Variants in EBF1 observed in about 807,000 individuals in gnomAD.
EBF1 encodes the protein EBF transcription factor 1.
Under a neutral mutation model 68.4 loss-of-function variants are expected in EBF1, and 10 were observed. The ratio of observed to expected loss-of-function variants is 0.15; its 90% CI spans 0.09 to 0.25. The LOEUF (loss-of-function observed/expected upper bound fraction) is 0.25. EBF1 is among the 10% of genes least tolerant of loss of function. EBF1 has a pLI of 1.00. For synonymous variants in EBF1, 298 were observed against 299.8 expected (o/e 0.99, Z 0.06); for missense variants, 509 against 794.4 (o/e 0.64, Z 4.32).
intron 10 of EBF1, among the ~76,000 whole-genome samples, chr5:158,765,575 A>G (rs1221520095): frequency 6.6e-6 from 1 of 152,166 alleles, no homozygotes; most frequent in African/African-American, 2.4e-5. Context: ...CGTGATGTAA[A>G]GAAGTTAACC....
At chr5:159,073,622 G>T in intron 5 of EBF1, 158 bp from the exon 6 acceptor site, 1 of 730,640 alleles carries the variant, frequency 1.4e-6, no homozygotes, top group Non-Finnish European at 2.3e-6. Flanking sequence ...ATTCTATTTG[G>T]GTCACCTATG....
chr5:158,940,396 G>A (rs1315094680), intron 6 of EBF1, among the ~76,000 whole-genome samples: 8 of 152,278 alleles, frequency 5.3e-5, no homozygotes, highest in Non-Finnish European at 7.4e-5. Context: ...CAGAACTGTG[G>A]TATCCTAGGC....
chr5:159,061,455 G>C (rs1584347199), intron 6 of EBF1, among the ~76,000 whole-genome samples: 1 of 152,074 alleles, frequency 6.6e-6, no homozygotes, highest in Non-Finnish European at 1.5e-5. Context: ...GGTGGAAAGA[G>C]GTGGGGTAGA....
intron 6 of EBF1, among the ~76,000 whole-genome samples, chr5:159,043,821 T>C (rs2127785047): frequency 6.6e-6 from 1 of 152,328 alleles, no homozygotes; most frequent in Non-Finnish European, 1.5e-5. Context: ...ATTCTCTGCT[T>C]CTGCTTCGGC....
chr5:158,778,345 C>A (rs1775731473), intron 9 of EBF1, among the ~76,000 whole-genome samples: 1 of 152,038 alleles, frequency 6.6e-6, no homozygotes, highest in East Asian at 1.9e-4. Context: ...AAAATCCAGC[C>A]CTGGTATTTG....
At chr5:158,932,543 A>G (rs1463876254) in intron 6 of EBF1, among the ~76,000 whole-genome samples, 1 of 152,256 alleles carries the variant, frequency 6.6e-6, no homozygotes, top group South Asian at 2.1e-4. Context: ...TACTTTGTAA[A>G]AAGTATTCAT....
chr5:158,736,123 C>T (rs992825522), intron 10 of EBF1, among the ~76,000 whole-genome samples: 6 of 152,162 alleles, frequency 3.9e-5, no homozygotes, highest in Non-Finnish European at 7.4e-5. Flanking sequence ...ACTTCACAAA[C>T]ACATCAAATA....
intron 5 of EBF1, among the ~76,000 whole-genome samples, chr5:159,074,175 T>C (rs922695162): frequency 2.0e-5 from 3 of 152,178 alleles, no homozygotes; most frequent in African/African-American, 7.2e-5. Context: ...CACAGCTCTG[T>C]GAGAGGACGC....
At chr5:158,764,523 T>G (rs1315711242) in intron 10 of EBF1, among the ~76,000 whole-genome samples, 1 of 152,186 alleles carries the variant, frequency 6.6e-6, no homozygotes, top group African/African-American at 2.4e-5. Context: ...CTGGGCACTG[T>G]GAATACACTG....
chr5:158,839,909 G>A (rs1789791181), intron 7 of EBF1, 120 bp downstream of exon 7: 1 of 872,460 alleles, frequency 1.1e-6, no homozygotes, highest in African/African-American at 1.7e-5. Flanking sequence ...GGGGGACCAA[G>A]GGCCTCAGCT....
chr5:159,064,337 CAG>C (rs949816609), intron 6 of EBF1, among the ~76,000 whole-genome samples: 19 of 152,130 alleles, frequency 1.2e-4, no homozygotes, highest in Admixed American at 3.9e-4. Context: ...ATACTGAAAA[CAG>C]TGTTTTTAGC....
chr5:158,880,647 T>C (rs1379200246), intron 6 of EBF1, among the ~76,000 whole-genome samples: 1 of 152,170 alleles, frequency 6.6e-6, no homozygotes, highest in East Asian at 1.9e-4. Context: ...CAAATTAAAA[T>C]AGCTAACCGG....
intron 11 of EBF1, among the ~76,000 whole-genome samples, chr5:158,730,322 T>C (rs904646671): frequency 1.3e-5 from 2 of 152,242 alleles, no homozygotes; most frequent in African/African-American, 4.8e-5. Context: ...TGATTAGTTG[T>C]GTTTGGGATT....
At chr5:159,039,375 G>T (rs1184973878) in intron 6 of EBF1, among the ~76,000 whole-genome samples, 2 of 152,088 alleles carry the variant, frequency 1.3e-5, no homozygotes, top group Non-Finnish European at 2.9e-5. Context: ...TTTTCTAAAA[G>T]TTATTTATTT....
intron 6 of EBF1, among the ~76,000 whole-genome samples, chr5:158,918,657 A>G (rs1004124790): frequency 3.9e-5 from 6 of 152,126 alleles, no homozygotes; most frequent in African/African-American, 1.4e-4. Context: ...ATGTAACTAA[A>G]CCCACCTCTC....
At chr5:158,821,565 G>A (rs1005400490) in intron 8 of EBF1, among the ~76,000 whole-genome samples, 13 of 152,158 alleles carry the variant, frequency 8.5e-5, no homozygotes, top group African/African-American at 2.9e-4. Context: ...ACCACCCACA[G>A]TCAAAAACAT....
At chr5:158,792,970 A>G (rs1312114453) in intron 9 of EBF1, among the ~76,000 whole-genome samples, 1 of 152,158 alleles carries the variant, frequency 6.6e-6, no homozygotes, top group Non-Finnish European at 1.5e-5. Context: ...TGAGCCTATC[A>G]CCCTGATCTG....
rs368133444 is a variant in EBF1, at chr5:159,096,311, G to C, written c.355+32C>G. The C allele has an allele frequency of 2.5e-6, 4 of 1,607,194 alleles. No homozygotes were observed. The East Asian group carries it at 8.9e-5, about 36-fold the overall frequency. On this transcript the variant is annotated intron_variant, in intron 3 of 15. Transcript: ENST00000313708. Reference sequence around the variant, plus strand: ...CCCCCTGCCCAGACCCGGAGCCCCAGGGTGAGGCCATAGACCCGACCCGGG... The same window carrying C: ...CCCCCTGCCCAGACCCGGAGCCCCACGGTGAGGCCATAGACCCGACCCGGG...
chr5:158,841,746 G>C (rs13171583), intron 6 of EBF1, among the ~76,000 whole-genome samples: 23,347 of 152,216 alleles, frequency 0.15, 1,877 homozygotes, highest in Non-Finnish European at 0.18. Context: ...AGAAGTCCCA[G>C]ATGAATCCCT....
Sources: gnomAD v4.1 joint callset for allele counts (sites outside exome capture counted in the v4.1 genomes callset) on GRCh38, gnomAD v4.1.1 for gene constraint, MANE v1.5 for transcripts, NCBI Gene and HGNC (gene_info 2026-07-23, HGNC 2026-07-21) for gene names.